CSNK2A2IP: variants seen among roughly 807,000 people sequenced by gnomAD.
CSNK2A2IP encodes casein kinase II subunit alpha'-interacting protein.
At chr3:88,363,579 G>T in the CSNK2A2IP span, among the ~76,000 whole-genome samples, 2 of 151,994 alleles carry the variant, frequency 1.3e-5, no homozygotes, top group African/African-American at 4.8e-5. Flanking sequence ...TCGTTGATTT[G>T]CATGTTTCAT....
chr3:88,360,851 T>C, the CSNK2A2IP span, among the ~76,000 whole-genome samples: 1 of 152,102 alleles, frequency 6.6e-6, no homozygotes. Flanking sequence ...TCATTGTAGG[T>C]TTGGCTTTGT....
the CSNK2A2IP span, among the ~76,000 whole-genome samples, chr3:88,364,914 C>G: frequency 6.6e-6 from 1 of 152,126 alleles, no homozygotes; most frequent in African/African-American, 2.4e-5. Context: ...ATGTGCCACA[C>G]CTACACTCTG....
the CSNK2A2IP span, among the ~76,000 whole-genome samples, chr3:88,380,808 C>T: frequency 1.3e-5 from 2 of 151,782 alleles, no homozygotes. Flanking sequence ...AGGGTGTAGA[C>T]CAATTATCTA....
At chr3:88,349,074 T>G in the CSNK2A2IP span, among the ~76,000 whole-genome samples, 1 of 152,018 alleles carries the variant, frequency 6.6e-6, no homozygotes, top group East Asian at 1.9e-4. Flanking sequence ...GATGTTTCTC[T>G]CCCCCTTTCC....
At chr3:88,415,205 T>G in the CSNK2A2IP span, among the ~76,000 whole-genome samples, 2 of 151,886 alleles carry the variant, frequency 1.3e-5, no homozygotes, top group African/African-American at 4.8e-5. Context: ...ACCCCCAAAC[T>G]CAAATCAAAA....
the CSNK2A2IP span, chr3:88,465,241 C>A: frequency 1.5e-5 from 8 of 521,580 alleles, no homozygotes; most frequent in African/African-American, 1.4e-4. Context: ...AAGATAAAAG[C>A]TAGCAACTGT....
the CSNK2A2IP span, among the ~76,000 whole-genome samples, chr3:88,396,237 C>G: frequency 4.6e-5 from 7 of 151,302 alleles, no homozygotes; most frequent in Non-Finnish European, 8.8e-5. Context: ...TCCCGAGTAG[C>G]TGGGACTACA....
chr3:88,408,207 T>C, the CSNK2A2IP span, among the ~76,000 whole-genome samples: 3 of 152,218 alleles, frequency 2.0e-5, no homozygotes, highest in East Asian at 3.9e-4. Flanking sequence ...CATGTCTACT[T>C]AGGCAGTTTT....
At chr3:88,341,115 A>C in the CSNK2A2IP span, among the ~76,000 whole-genome samples, 2 of 151,946 alleles carry the variant, frequency 1.3e-5, no homozygotes, top group African/African-American at 2.4e-5. Context: ...TAATATGAAA[A>C]TGTTACAAAA....
At chr3:88,420,204 A>C in the CSNK2A2IP span, among the ~76,000 whole-genome samples, 2 of 152,182 alleles carry the variant, frequency 1.3e-5, no homozygotes, top group Non-Finnish European at 2.9e-5. Context: ...CAGGCTTAGC[A>C]CTTGAATTAG....
the CSNK2A2IP span, among the ~76,000 whole-genome samples, chr3:88,359,090 A>T: frequency 6.8e-6 from 1 of 147,138 alleles, no homozygotes. Context: ...CTATCTCATT[A>T]CTTGTTATTA....
the CSNK2A2IP span, chr3:88,465,645 G>A: frequency 8.1e-7 from 1 of 1,231,634 alleles, no homozygotes; most frequent in South Asian, 4.1e-5. Context: ...TCCATGCCAA[G>A]CATCAGAACA....
At chr3:88,368,857 T>C in the CSNK2A2IP span, among the ~76,000 whole-genome samples, 998 of 152,148 alleles carry the variant, frequency 6.6e-3, 11 homozygotes, top group African/African-American at 0.022. Flanking sequence ...GCAAGAAAGT[T>C]GATTCCAGAA....
chr3:88,350,184 C>G, the CSNK2A2IP span, among the ~76,000 whole-genome samples: 1 of 152,112 alleles, frequency 6.6e-6, no homozygotes, highest in Non-Finnish European at 1.5e-5. Flanking sequence ...CAGCCAAGGA[C>G]ATTCTGGTAA....
chr3:88,434,873 T>C, the CSNK2A2IP span, among the ~76,000 whole-genome samples: 3 of 152,152 alleles, frequency 2.0e-5, no homozygotes, highest in Admixed American at 6.5e-5. Flanking sequence ...TACTGATGGA[T>C]TGCTGTATTG....
chr3:88,401,563 T>C, the CSNK2A2IP span, among the ~76,000 whole-genome samples: 2 of 152,196 alleles, frequency 1.3e-5, no homozygotes, highest in South Asian at 2.1e-4. Flanking sequence ...GCTACTACCA[T>C]GGAAATATGA....
the CSNK2A2IP span, among the ~76,000 whole-genome samples, chr3:88,400,676 C>T: frequency 1.3e-5 from 2 of 152,090 alleles, no homozygotes; most frequent in Non-Finnish European, 2.9e-5. Flanking sequence ...GAACCACAAA[C>T]TAGGAATTAT....
the CSNK2A2IP span, among the ~76,000 whole-genome samples, chr3:88,402,519 A>G: frequency 4.6e-5 from 7 of 152,110 alleles, no homozygotes; most frequent in African/African-American, 9.6e-5. Flanking sequence ...CTAAATGTCT[A>G]TTACTAAAAT....
the CSNK2A2IP span, among the ~76,000 whole-genome samples, chr3:88,357,845 C>G: frequency 6.6e-6 from 1 of 151,820 alleles, no homozygotes; most frequent in Non-Finnish European, 1.5e-5. Context: ...ACTTCTACCT[C>G]CAAGGATTAA....
Sources: gnomAD v4.1 joint callset for allele counts (sites outside exome capture counted in the v4.1 genomes callset) on GRCh38, gnomAD v4.1.1 for gene constraint, MANE v1.5 for transcripts, NCBI Gene and HGNC (gene_info 2026-07-23, HGNC 2026-07-21) for gene names.